Variants in TEX264 observed in about 807,000 individuals in gnomAD.
TEX264 encodes the protein testis-expressed protein 264.
A neutral mutation model predicts 23.4 loss-of-function variants in TEX264; 13 were observed. The ratio of observed to expected loss-of-function variants is 0.56; its 90% CI spans 0.36 to 0.88. The LOEUF is 0.88. TEX264 is among the 40% of genes least tolerant of loss of function. The pLI, the probability that TEX264 is intolerant of heterozygous loss-of-function variation, is 0.01. For missense variants in TEX264, 340 were observed against 406.8 expected, an observed-to-expected ratio of 0.84 and a Z score of 1.41; for synonymous variants, 159 against 170.0, an observed-to-expected ratio of 0.94 and a Z score of 0.50.
At chr3:51,693,345 C>T (rs896143013) in intron 3 of TEX264, among the ~76,000 whole-genome samples, 9 of 152,202 alleles carry the variant, frequency 5.9e-5, no homozygotes, top group African/African-American at 2.2e-4. Flanking sequence ...CAGTCTTCCC[C>T]AGGTTCCCAC....
Position 51,699,494 on chromosome 3 carries a change from T to A in TEX264, c.569T>A (p.Phe190Tyr). The change falls in exon 4 of 5, where the codon TTC (phenylalanine) becomes TAC (tyrosine). Residue 190 changes from phenylalanine to tyrosine, a missense_variant. Phe to Tyr is a conservative substitution (Grantham distance 22, BLOSUM62 3). Coordinates refer to ENST00000341333, the MANE Select transcript of TEX264 (RefSeq NM_015926.6). ...FMCPLARQGD[F>Y]YVPEMKETEW... ...TGCCCACTGGCACGGCAGGGAGACT[T>A]CTATGTGCCTGAGATGAAGGAGACA... 6.2e-7 allele frequency: 1 copy of A among 1,614,090 alleles called. No homozygotes were observed. The highest frequency in any genetic ancestry group is 8.5e-7 in the Non-Finnish European group (1 of 1,179,956).
intron 3 of TEX264, among the ~76,000 whole-genome samples, chr3:51,696,772 C>G (rs568104933): frequency 6.6e-6 from 1 of 152,318 alleles, no homozygotes; most frequent in South Asian, 2.1e-4. Context: ...CTGCCCAAGT[C>G]TGAATTTTGG....
Position 51,674,684 on chromosome 3 carries a change from C to A in TEX264, c.258+122C>A. ...GAATCTTCAAGCTGGCCCTGCAGAC[C>A]CCTCCTCTATGAGCTTGAAGCACCT... On this transcript the variant is annotated intron_variant, in intron 2 of 4. Transcript: ENST00000341333. The A allele has an allele frequency of 4.2e-6, 5 of 1,197,806 alleles. No homozygotes were observed. The South Asian group carries it at 5.9e-5, about 14-fold the overall frequency. 74.2% of individuals were successfully genotyped at this position (1,197,806 alleles called of 1,614,324 possible).
rs529638860 is a variant in TEX264 at position 51,676,959 on chromosome 3, T to G, written c.258+2397T>G. On this transcript the variant is annotated intron_variant, in intron 2 of 4. Coordinates refer to ENST00000341333, the MANE Select transcript of TEX264 (RefSeq NM_015926.6). ...GTCCCCATTTAGAGCTAGGTCACAC[T>G]TGGCACCTGGGATGGCTCAGGGACA... Among the ~76,000 whole-genome samples the G allele has an allele frequency of 3.3e-5, 5 of 152,260 alleles. No homozygotes were observed. The South Asian group carries it at 8.3e-4, about 25-fold the overall frequency.
At chr3:51,696,972 T>C (rs537723972) in intron 3 of TEX264, among the ~76,000 whole-genome samples, 1 of 152,286 alleles carries the variant, frequency 6.6e-6, no homozygotes, top group African/African-American at 2.4e-5. Flanking sequence ...GTGCTCCCTG[T>C]GTGAGATGCT....
At chr3:51,694,041 TCCTTCCTC>T (rs1408684766) in intron 3 of TEX264, among the ~76,000 whole-genome samples, 3 of 106,228 alleles carry the variant, frequency 2.8e-5, no homozygotes, top group Non-Finnish European at 3.9e-5. Context: ...CTTCCTTCCT[TCCTTCCTC>T]CCTTCCCTTC....
At chr3:51,696,728 A>C (rs1281784683) in intron 3 of TEX264, among the ~76,000 whole-genome samples, 1 of 152,200 alleles carries the variant, frequency 6.6e-6, no homozygotes, top group Admixed American at 6.5e-5. Flanking sequence ...CCTGGCTTAG[A>C]AGTTTGCTCC....
Position 51,704,307 on chromosome 3 carries a change from T to G in TEX264, c.*291T>G. The G allele has an allele frequency of 3.4e-6, 1 of 293,350 alleles. No homozygotes were observed. The highest frequency in any genetic ancestry group is 6.3e-6 in the Non-Finnish European group (1 of 159,274). 18.2% of individuals were successfully genotyped at this position (293,350 alleles called of 1,614,324 possible). ...AGGACCCAGAATAAAGCCAATGATT[T>G]ACTTGTTTCACCTGGATTTGGGTTG... On this transcript the variant is annotated 3_prime_UTR_variant, in exon 5 of 5. Coordinates refer to ENST00000341333, the MANE Select transcript of TEX264 (RefSeq NM_015926.6).
chr3:51,699,443 A>C lies in TEX264; in HGVS notation c.518A>C (p.Tyr173Ser). The change falls in exon 4 of 5, where the codon TAC becomes TCC. Residue 173 changes from tyrosine (Y) to serine (S), a missense_variant. Tyr to Ser is a moderately radical substitution (Grantham distance 144). Coordinates refer to ENST00000341333, the MANE Select transcript of TEX264 (RefSeq NM_015926.6). ...KLCAYPRLEI[Y>S]QEDQIHFMCP... is the part of the protein sequence containing the mutation. ...TGTGCCTATCCTCGGCTGGAGATCT[A>C]CCAGGAAGACCAGATCCATTTCATG... is the stretch of plus-strand genomic sequence containing the variant. 1 of 1,614,052 alleles carries C rather than the reference A, an allele frequency of 6.2e-7. No individual in the cohort carries two copies. The highest frequency in any genetic ancestry group is 8.5e-7 in the Non-Finnish European group (1 of 1,179,926).
intron 2 of TEX264, among the ~76,000 whole-genome samples, chr3:51,680,958 A>G (rs1409720493): frequency 1.3e-5 from 2 of 152,068 alleles, no homozygotes; most frequent in African/African-American, 4.8e-5. Flanking sequence ...TCCCTAGGTT[A>G]TTTTAGGGCC....
chr3:51,697,527 A>C (rs1195693295), intron 3 of TEX264, among the ~76,000 whole-genome samples: 5 of 152,136 alleles, frequency 3.3e-5, no homozygotes, highest in Admixed American at 1.3e-4. Flanking sequence ...GAGTGTGAGG[A>C]TGTTGGTGAA....
At position 51,686,549 on chromosome 3, in the gene TEX264, G is replaced by T. The variant is rs1028280389; in HGVS notation, c.480+1915G>T. Among the ~76,000 whole-genome samples the T allele has an allele frequency of 6.6e-6, 1 of 152,232 alleles. No individual in the cohort carries two copies. The highest frequency in any genetic ancestry group is 2.1e-4 in the South Asian group (1 of 4,818). ...AGTGAGAAGACCTGGAAAGGGGAGG[G>T]CTGTCACGGTGATAAGGCAAGGGCA... On this transcript the variant is annotated intron_variant, in intron 3 of 4. Coordinates refer to ENST00000341333, the MANE Select transcript of TEX264 (RefSeq NM_015926.6). This position sits in a 1 kb window ranked among gnomAD's most constrained non-coding sequence, Gnocchi z 4.1.
intron 4 of TEX264, among the ~76,000 whole-genome samples, chr3:51,702,856 G>A (rs1490378234): frequency 6.6e-6 from 1 of 152,202 alleles, no homozygotes; most frequent in Non-Finnish European, 1.5e-5. Flanking sequence ...AGGATGTATT[G>A]GGGGTGGAAG....
rs938455567 is a variant in TEX264, at chr3:51,703,915, G to A, written c.841G>A (p.Glu281Lys). ...TTTTGAGGAGCTGGACTTGGAGGGC[G>A]AGGGGCCCTTAGGGGAGTCACGGCT... ...SSFEELDLEG[E>K]GPLGESRLDP... is the part of the protein sequence containing the mutation. Residue 281 changes from glutamate (E) to lysine (K), a missense_variant, in exon 5 of 5, where the codon GAG becomes AAG. Glu to Lys is a moderately conservative substitution (Grantham distance 56, BLOSUM62 1). Transcript: ENST00000341333. The surrounding 1 kb of genome is among the most constrained non-coding windows in gnomAD (Gnocchi z 4.8). 8 of 1,609,406 alleles carry A rather than the reference G, an allele frequency of 5.0e-6. No individual in the cohort carries two copies. Among genetic ancestry groups the A allele is most frequent in the Non-Finnish European group, 4.2e-6 (5 of 1,176,970 alleles).
chr3:51,679,406 A>G (rs1450457280), intron 2 of TEX264, among the ~76,000 whole-genome samples: 3 of 152,164 alleles, frequency 2.0e-5, no homozygotes, highest in Non-Finnish European at 4.4e-5. Context: ...AGCCTCCTGC[A>G]GGTTGTCTGG....
intron 3 of TEX264, among the ~76,000 whole-genome samples, chr3:51,694,029 TCCTTCCTTCCTTCCTTCCTC>T (rs1203251362): frequency 7.2e-6 from 1 of 139,006 alleles, no homozygotes; most frequent in Non-Finnish European, 1.5e-5. Flanking sequence ...CTTCCTTCCT[TCCTTCCTTCCTTCCTTCCTC>T]CCTTCCCTTC....
At chr3:51,700,186 T>C (rs1195579576) in intron 4 of TEX264, among the ~76,000 whole-genome samples, 1 of 152,052 alleles carries the variant, frequency 6.6e-6, no homozygotes, top group South Asian at 2.1e-4. Flanking sequence ...CCCACCCCTC[T>C]GCAATGATCT....
Position 51,684,524 on chromosome 3 carries a change from T to C in TEX264, c.370T>C (p.Ser124Pro), listed in dbSNP as rs896404201. The change falls in exon 3 of 5, where the codon TCC (serine) becomes CCC (proline). Residue 124 changes from serine to proline, a missense_variant. By Grantham distance (74) the Ser-to-Pro change is moderately conservative. Coordinates refer to ENST00000341333, the MANE Select transcript of TEX264 (RefSeq NM_015926.6). ...LYQKFGFKVF[S>P]FPAPSHVVTA... ...CCAGAAATTTGGCTTCAAGGTGTTCTCCTTCCCGGCACCCAGCCATGTGGT... is the reference window on the plus strand; with the variant it reads ...CCAGAAATTTGGCTTCAAGGTGTTCCCCTTCCCGGCACCCAGCCATGTGGT... 4.5e-5 allele frequency: 72 copies of C among 1,614,060 alleles called. No individual in the cohort carries two copies. The highest frequency in any genetic ancestry group is 6.1e-5 in the Non-Finnish European group (72 of 1,180,030).
rs956237723 is a variant in TEX264, at chr3:51,691,018, T to C, written c.480+6384T>C. Among the ~76,000 whole-genome samples, 11 of 152,208 alleles carry C rather than the reference T, an allele frequency of 7.2e-5. No individual in the cohort carries two copies. The highest frequency in any genetic ancestry group is 2.7e-4 in the African/African-American group (11 of 41,452). ...CTGAGAACTTGTCATCAATTTGGGA[T>C]ATGCTCGGGATGGTGCCCCAGGGTG... On this transcript the variant is annotated intron_variant, in intron 3 of 4. Transcript: ENST00000341333. The surrounding 1 kb of genome is among the most constrained non-coding windows in gnomAD (Gnocchi z 4.4).
Sources: gnomAD v4.1 joint callset for allele counts (sites outside exome capture counted in the v4.1 genomes callset) on GRCh38, gnomAD v4.1.1 for gene constraint, Gnocchi (gnomAD v3.1) non-coding constraint, MANE v1.5 for transcripts, NCBI Gene and HGNC (gene_info 2026-07-23, HGNC 2026-07-21) for gene names.